MAST2: variants seen among roughly 807,000 people sequenced by gnomAD.
MAST2 encodes the protein microtubule-associated serine/threonine-protein kinase 2.
A neutral mutation model predicts 147.4 loss-of-function variants in MAST2; 70 were observed. The observed-to-expected ratio is 0.47, with a 90% CI of 0.39 to 0.58. The LOEUF (loss-of-function observed/expected upper bound fraction) is 0.58. Ranked by LOEUF, MAST2 falls within the 20% of genes least tolerant of loss-of-function variation. The probability of loss-of-function intolerance (pLI) is 0.00; values close to 1 mark genes in which losing one functional copy is unlikely to be tolerated. For missense variants in MAST2, 2,080 were observed against 2,302.3 expected (o/e 0.90, Z 1.98); for synonymous variants, 869 against 896.8 (o/e 0.97, Z 0.55).
At chr1:45,884,687 C>T (rs1647004813) in intron 4 of MAST2, among the ~76,000 whole-genome samples, 1 of 152,198 alleles carries the variant, frequency 6.6e-6, no homozygotes, top group African/African-American at 2.4e-5. Context: ...AGAAGTTCTT[C>T]AGTTCTTTAA....
intron 8 of MAST2, 64 bp from the exon 9 acceptor site, chr1:46,008,232 G>T: frequency 8.8e-7 from 1 of 1,130,818 alleles, no homozygotes; most frequent in Non-Finnish European, 1.3e-6. Context: ...CTCTGGGGAT[G>T]GCCATCTTTC....
chr1:45,997,902 T>C, intron 6 of MAST2, 103 bp downstream of exon 6: 1 of 932,254 alleles, frequency 1.1e-6, no homozygotes, highest in East Asian at 2.4e-5. Context: ...CTCTTTCAAG[T>C]GTATTACCTG....
intron 9 of MAST2, among the ~76,000 whole-genome samples, chr1:46,008,623 G>T (rs1047305646): frequency 5.9e-5 from 9 of 152,224 alleles, no homozygotes; most frequent in African/African-American, 2.2e-4. Context: ...CTACCCAGAA[G>T]TAGAGTTATC....
rs1646678855 is a variant in MAST2 at position 46,031,733 on chromosome 1, G to A, written c.3187+148G>A. On this transcript the variant is annotated intron_variant, in intron 24 of 28. Transcript: ENST00000361297. The surrounding 1 kb of genome is among the most constrained non-coding windows in gnomAD (Gnocchi z 4.1). ...TCTGAAGGTGTGTATTGGTGTCTGG[G>A]GTTGTGTATACATGTGCCAGAAAGC... The A allele has an allele frequency of 1.1e-5, 9 of 806,992 alleles. No homozygotes were observed. In the South Asian group the frequency reaches 1.5e-4, roughly 13 times the overall value. 50.0% of individuals were successfully genotyped at this position (806,992 alleles called of 1,614,324 possible). A position where few individuals can be genotyped will look rare whatever the true frequency, so the allele number is the denominator to read the frequency against.
chr1:45,939,544 G>A (rs1220872030), intron 4 of MAST2, among the ~76,000 whole-genome samples: 1 of 150,742 alleles, frequency 6.6e-6, no homozygotes. Flanking sequence ...TTTTTTTTTG[G>A]GGGGGTGGGG....
At chr1:46,027,997 G>A in intron 17 of MAST2, 134 bp downstream of exon 17, 2 of 1,003,408 alleles carry the variant, frequency 2.0e-6, no homozygotes, top group Non-Finnish European at 3.0e-6. Context: ...GGGCAACATA[G>A]TGAGACCCCA....
intron 4 of MAST2, among the ~76,000 whole-genome samples, chr1:45,886,449 G>T (rs1291786532): frequency 6.6e-6 from 1 of 151,832 alleles, no homozygotes; most frequent in Admixed American, 6.6e-5. Flanking sequence ...CTTTATTGGG[G>T]CAAGGTGGTT....
At position 46,025,689 on chromosome 1, in the gene MAST2, C is replaced by T; in HGVS notation, c.1793C>T (p.Ala598Val). 3 of 1,614,104 alleles carry T rather than the reference C, an allele frequency of 1.9e-6. No individual in the cohort carries two copies. Among genetic ancestry groups the T allele is most frequent in the Non-Finnish European group, 2.5e-6 (3 of 1,180,018 alleles). ...VMEYVEGGDC[A>V]TLLKNIGALP... Reference sequence around the variant, plus strand: ...GGGCTTGTTGCAGGGGGAGACTGTGCCACTCTGCTGAAGAATATTGGGGCC... The same window carrying T: ...GGGCTTGTTGCAGGGGGAGACTGTGTCACTCTGCTGAAGAATATTGGGGCC... Residue 598 changes from alanine to valine, a missense_variant, in exon 16 of 29, where the codon GCC becomes GTC. Ala to Val is a moderately conservative substitution (Grantham distance 64). Transcript: ENST00000361297.
At chr1:45,933,214 C>A (rs1330027531) in intron 4 of MAST2, among the ~76,000 whole-genome samples, 27 of 128,000 alleles carry the variant, frequency 2.1e-4, no homozygotes, top group African/African-American at 8.4e-4. Context: ...CAGAGCAAGA[C>A]CCTGTCTCTT....
At chr1:45,839,420 G>A (rs1570317450) in intron 3 of MAST2, among the ~76,000 whole-genome samples, 1 of 152,004 alleles carries the variant, frequency 6.6e-6, no homozygotes, top group Admixed American at 6.6e-5. Context: ...GAGCCACCAC[G>A]CCCAGCAACA....
intron 22 of MAST2, 25 bp downstream of exon 22, chr1:46,030,786 G>A (rs1320736552): frequency 6.5e-6 from 10 of 1,549,864 alleles, no homozygotes; most frequent in Non-Finnish European, 8.7e-6. Context: ...TTCACCCAGG[G>A]TGGGCGACAC....
rs1353880327 is a variant in MAST2, at chr1:46,006,283, C to G, written c.790C>G (p.Gln264Glu). Reference sequence around the variant, plus strand: ...GGAAAAGCTGCATCAGTTGCCTTTCCAGCCTACAGCTGATGAGCTGCACTT... The same window carrying G: ...GGAAAAGCTGCATCAGTTGCCTTTCGAGCCTACAGCTGATGAGCTGCACTT... ...SQEKLHQLPFQPTADELHFLT... is the reference protein window; with the variant it reads ...SQEKLHQLPFEPTADELHFLT... The change falls in exon 8 of 29, where the codon CAG becomes GAG. Residue 264 changes from glutamine (Q) to glutamate (E), a missense_variant. Around this residue, in one of 4 missense-constraint regions of MAST2, gnomAD observed 569 missense variants for 642.5 expected, o/e 0.89. Transcript: ENST00000361297. The G allele has an allele frequency of 1.2e-6, 2 of 1,613,470 alleles. No homozygotes were observed. The highest frequency in any genetic ancestry group is 4.5e-5 in the East Asian group (2 of 44,878).
At chr1:45,821,337 T>C (rs1340545514) in intron 1 of MAST2, among the ~76,000 whole-genome samples, 1 of 152,140 alleles carries the variant, frequency 6.6e-6, no homozygotes, top group African/African-American at 2.4e-5. Flanking sequence ...ATTTGACAAG[T>C]TGCTTTTCTC....
At chr1:45,870,099 G>T (rs11211210) in intron 3 of MAST2, among the ~76,000 whole-genome samples, 152,074 of 152,312 alleles carry the variant, frequency 1, 75,922 homozygotes, top group Non-Finnish European at 1. Flanking sequence ...AATTTTTGTA[G>T]TTTTAGTAGA....
At chr1:45,812,450 C>T (rs987347941) in intron 1 of MAST2, among the ~76,000 whole-genome samples, 1 of 131,706 alleles carries the variant, frequency 7.6e-6, no homozygotes, top group African/African-American at 2.9e-5. Context: ...TTTTTTTAGA[C>T]GGAGTCTCGC....
Position 45,829,472 on chromosome 1 carries a change from A to T in MAST2, c.359A>T (p.His120Leu). The change falls in exon 3 of 29, where the codon CAT (histidine) becomes CTT (leucine). Residue 120 changes from histidine (H) to leucine (L), a missense_variant. By Grantham distance (99) the His-to-Leu change is moderately conservative. Coordinates refer to ENST00000361297, the MANE Select transcript of MAST2 (RefSeq NM_015112.3). The part of the protein sequence containing the change: ...KQLLPLSSSV[H>L]SSVGQVTWQS... Reference sequence around the variant, plus strand: ...CTGCTCCCTTTGTCCAGCAGTGTACATAGCAGTGTGGGACAGGTGACTTGG... The same window carrying T: ...CTGCTCCCTTTGTCCAGCAGTGTACTTAGCAGTGTGGGACAGGTGACTTGG... 1 of 1,614,202 alleles carries T rather than the reference A, an allele frequency of 6.2e-7. No individual in the cohort carries two copies. The highest frequency in any genetic ancestry group is 8.5e-7 in the Non-Finnish European group (1 of 1,180,024).
chr1:46,031,072 C>T lies in MAST2; in HGVS notation c.2774C>T (p.Thr925Ile), dbSNP rs762026171. ...GAGAGTGACTCAAGCCCTCCAATGA[C>T]AGTGCGACGCCGCTGCTCAGGCCTC... ...HTESDSSPPM[T>I]VRRRCSGLLD... Residue 925 changes from threonine (T) to isoleucine (I), a missense_variant, in exon 23 of 29, where the codon ACA becomes ATA. Thr to Ile is a moderately conservative substitution (Grantham distance 89). Around this residue, in one of 4 missense-constraint regions of MAST2, gnomAD observed 1,278 missense variants for 1,304.2 expected, o/e 0.98. Coordinates refer to ENST00000361297, the MANE Select transcript of MAST2 (RefSeq NM_015112.3). This position sits in a 1 kb window ranked among gnomAD's most constrained non-coding sequence, Gnocchi z 4.1. 5 of 1,613,542 alleles carry T rather than the reference C, an allele frequency of 3.1e-6. No individual in the cohort carries two copies. In the South Asian group the frequency reaches 5.5e-5, roughly 18 times the overall value.
At chr1:45,956,656 T>C (rs1280384946) in intron 4 of MAST2, among the ~76,000 whole-genome samples, 1 of 152,208 alleles carries the variant, frequency 6.6e-6, no homozygotes, top group Non-Finnish European at 1.5e-5. Flanking sequence ...GTGGTTTAGG[T>C]CATTACTTGC....
chr1:45,987,776 G>GTTTTTTTTTTTTTTTTTTTTT lies in MAST2; in HGVS notation c.593-9948_593-9947insTTTTTTTTTTTTTTTTTTTTT, dbSNP rs1644692974. ...GAGCATTTCTTGTTTTTTTTTTTTT[G>GTTTTTTTTTTTTTTTTTTTTT]ATTTTTTTTTTTTTTTTTTTTTTTT... On this transcript the variant is annotated intron_variant, in intron 5 of 28. Coordinates refer to ENST00000361297, the MANE Select transcript of MAST2 (RefSeq NM_015112.3). 4.2e-4 allele frequency among the ~76,000 whole-genome samples: 13 copies of GTTTTTTTTTTTTTTTTTTTTT among 30,696 alleles called. 1 individual carries two copies. Among genetic ancestry groups the GTTTTTTTTTTTTTTTTTTTTT allele is most frequent in the Admixed American group, 8.3e-4 (2 of 2,398 alleles). The allele number at this position is 30,696 out of a possible 152,430, so 20.1% of individuals were successfully genotyped here.
Sources: allele counts gnomAD v4.1 joint callset (sites outside exome capture counted in the v4.1 genomes callset), GRCh38; gene constraint gnomAD v4.1.1; regional missense constraint gnomAD v4.1.1; non-coding constraint Gnocchi (gnomAD v3.1); transcripts MANE v1.5; gene names NCBI Gene and HGNC (gene_info 2026-07-23, HGNC 2026-07-21).